Variants in STOM observed in about 807,000 individuals in gnomAD.
STOM encodes stomatin.
A neutral mutation model predicts 30.6 loss-of-function variants in STOM; 25 were observed. That is an observed-to-expected ratio of 0.82 (90% CI 0.60 to 1.14). The LOEUF (loss-of-function observed/expected upper bound fraction) is 1.14, where lower values mean the gene tolerates loss of function less well. Ranked by LOEUF, STOM falls within the 50% of genes most tolerant of loss-of-function variation. The pLI is 0.00. For missense variants in STOM, 292 were observed against 365.2 expected (o/e 0.80, Z 1.63); for synonymous variants, 118 against 130.8 (o/e 0.90, Z 0.67).
intron 1 of STOM, among the ~76,000 whole-genome samples, chr9:121,365,143 A>G (rs1021853988): frequency 6.6e-6 from 1 of 151,324 alleles, no homozygotes; most frequent in Non-Finnish European, 1.5e-5. Flanking sequence ...GGGGAAAAGA[A>G]AAAAAAAAGA....
chr9:121,348,415 C>A (rs754472111), intron 5 of STOM, among the ~76,000 whole-genome samples: 21 of 152,168 alleles, frequency 1.4e-4, no homozygotes, highest in Non-Finnish European at 2.5e-4. Flanking sequence ...ACTATTTAAC[C>A]CAGCTGTTGT....
At chr9:121,348,857 A>G (rs10985213) in intron 5 of STOM, among the ~76,000 whole-genome samples, 14,618 of 152,234 alleles carry the variant, frequency 0.096, 1,078 homozygotes, top group African/African-American at 0.2. Context: ...CCTCTGTTCT[A>G]AACAAAAAGG....
At chr9:121,361,683 C>G (rs1221004192) in intron 1 of STOM, among the ~76,000 whole-genome samples, 2 of 152,140 alleles carry the variant, frequency 1.3e-5, no homozygotes, top group Non-Finnish European at 2.9e-5. Flanking sequence ...CCAATGCACC[C>G]GGCCACTTGT....
rs1292363293 is a variant in STOM at position 121,366,313 on chromosome 9, A to G, written c.61+3814T>C. 3 of 915,930 alleles carry G rather than the reference A, an allele frequency of 3.3e-6. No individual in the cohort carries two copies. In the African/African-American group the frequency reaches 5.4e-5, roughly 16 times the overall value. The allele number at this position is 915,930 out of a possible 1,614,324, so 56.7% of individuals were successfully genotyped here. On this transcript the variant is annotated intron_variant, in intron 1 of 6. Coordinates refer to ENST00000286713, the MANE Select transcript of STOM (RefSeq NM_004099.6). Reference sequence around the variant, plus strand: ...TAGCAACAAGTGTGTGTCAATAGAAAATTATTTTAATTGAAATGATCTATT... The same window carrying G: ...TAGCAACAAGTGTGTGTCAATAGAAGATTATTTTAATTGAAATGATCTATT...
intron 1 of STOM, among the ~76,000 whole-genome samples, chr9:121,361,693 T>C (rs1245034995): frequency 2.6e-5 from 4 of 152,116 alleles, no homozygotes; most frequent in African/African-American, 9.7e-5. Flanking sequence ...CGGCCACTTG[T>C]GGGTATTTTG....
chr9:121,352,823 G>A (rs139636855), intron 4 of STOM, among the ~76,000 whole-genome samples: 4 of 152,164 alleles, frequency 2.6e-5, no homozygotes, highest in African/African-American at 7.2e-5. Flanking sequence ...GGCAGGGAAC[G>A]GTGGCTCATG....
intron 4 of STOM, among the ~76,000 whole-genome samples, chr9:121,349,631 G>T (rs1049009132): frequency 1.3e-5 from 2 of 152,116 alleles, no homozygotes; most frequent in African/African-American, 2.4e-5. Context: ...AACTCTTAGG[G>T]GCAGCTGTGG....
At chr9:121,351,196 T>C (rs2064336037) in intron 4 of STOM, among the ~76,000 whole-genome samples, 3 of 152,204 alleles carry the variant, frequency 2.0e-5, no homozygotes, top group Non-Finnish European at 2.9e-5. Flanking sequence ...CTGCCAGATG[T>C]CTGTAATGTT....
Position 121,340,731 on chromosome 9 carries a change from CAA to C in STOM, c.*469_*470del. 1 of 986,288 alleles carries C rather than the reference CAA, an allele frequency of 1.0e-6. No homozygotes were observed. The highest frequency in any genetic ancestry group is 1.2e-6 in the Non-Finnish European group (1 of 831,992). The allele number at this position is 986,288 out of a possible 1,614,324, so 61.1% of individuals were successfully genotyped here. A position where few individuals can be genotyped will look rare whatever the true frequency, so the allele number is the denominator to read the frequency against. ...TGCTATTGCACTCCAGCCTGGGCAA[CAA>C]GAGTGAAACTCCATCTCAGAAAAAA... is the stretch of plus-strand genomic sequence containing the variant. On this transcript the variant is annotated 3_prime_UTR_variant, in exon 7 of 7. Transcript: ENST00000286713.
chr9:121,341,294 T>C lies in STOM; in HGVS notation c.775A>G (p.Ile259Val), dbSNP rs769515655. 6.2e-7 allele frequency: 1 copy of C among 1,614,110 alleles called. No homozygotes were observed. The highest frequency in any genetic ancestry group is 8.5e-7 in the Non-Finnish European group (1 of 1,180,022). The change falls in exon 7 of 7, where the codon ATT becomes GTT. Residue 259 changes from isoleucine to valine, a missense_variant. Physicochemically the swap from Ile to Val is conservative, Grantham distance 29. Transcript: ENST00000286713. Reference protein sequence around the residue: ...QLRYLQTLTTIAAEKNSTIVF... With the variant: ...QLRYLQTLTTVAAEKNSTIVF... ...ATTGTTGAGTTTTTCTCAGCAGCAATGGTGGTCAGTGTCTGCAGGTATCGG... is the reference window on the plus strand; with the variant it reads ...ATTGTTGAGTTTTTCTCAGCAGCAACGGTGGTCAGTGTCTGCAGGTATCGG...
In STOM at chr9:121,339,430, C is replaced by T; in HGVS notation, c.*1772G>A. 1 of 792,292 alleles carries T rather than the reference C, an allele frequency of 1.3e-6. No individual in the cohort carries two copies. The highest frequency in any genetic ancestry group is 1.7e-6 in the Non-Finnish European group (1 of 592,266). 49.1% of individuals were successfully genotyped at this position (792,292 alleles called of 1,614,324 possible). A position where few individuals can be genotyped will look rare whatever the true frequency, so the allele number is the denominator to read the frequency against. ...CAACTTGAGTTTAAGTTGCACTGCT[C>T]CATACCTCTAATAAACTCAGCTAGG... On this transcript the variant is annotated 3_prime_UTR_variant, in exon 7 of 7. Coordinates refer to ENST00000286713, the MANE Select transcript of STOM (RefSeq NM_004099.6).
At chr9:121,356,344 A>G (rs1277566588) in intron 1 of STOM, among the ~76,000 whole-genome samples, 188 bp from the exon 2 acceptor site, 2 of 152,226 alleles carry the variant, frequency 1.3e-5, no homozygotes, top group African/African-American at 4.8e-5. Context: ...ATGTGATGTC[A>G]TAACACAAGT....
At chr9:121,369,547 C>G (rs1004010441) in intron 1 of STOM, among the ~76,000 whole-genome samples, 1 of 151,860 alleles carries the variant, frequency 6.6e-6, no homozygotes, top group African/African-American at 2.4e-5. Flanking sequence ...TTCTCCAAAA[C>G]GCAGAGGAAA....
intron 6 of STOM, 96 bp downstream of exon 6, chr9:121,347,919 T>G: frequency 7.0e-7 from 1 of 1,424,636 alleles, no homozygotes; most frequent in South Asian, 1.5e-5. Context: ...TTCAAGATTA[T>G]TTCAAGTTTT....
chr9:121,345,684 T>G (rs1484676008), intron 6 of STOM, among the ~76,000 whole-genome samples: 1 of 152,160 alleles, frequency 6.6e-6, no homozygotes, highest in Admixed American at 6.5e-5. Context: ...CCCGTCCAAG[T>G]GGGAGCATGG....
At chr9:121,353,601 C>A (rs187878560) in intron 3 of STOM, among the ~76,000 whole-genome samples, 1 of 152,134 alleles carries the variant, frequency 6.6e-6, no homozygotes, top group Non-Finnish European at 1.5e-5. Context: ...TTTGTAGTTT[C>A]TCTCCTATAA....
chr9:121,346,697 G>A lies in STOM; in HGVS notation c.660+1318C>T, dbSNP rs559889529. ...TTGAAAGAAAGCACTAGAGGGTTCT[G>A]TAGTACTACCAGGTTATCATCACAA... On this transcript the variant is annotated intron_variant, in intron 6 of 6. Coordinates refer to ENST00000286713, the MANE Select transcript of STOM (RefSeq NM_004099.6). Among the ~76,000 whole-genome samples, 3 of 152,318 alleles carry A rather than the reference G, an allele frequency of 2.0e-5. No homozygotes were observed. In the East Asian group the frequency reaches 5.8e-4, roughly 29 times the overall value.
At position 121,340,160 on chromosome 9, in the gene STOM, T is replaced by C; in HGVS notation, c.*1042A>G. ...AGGCAACAGTGAGAAAAAAGCACTT[T>C]TGTGACAAATATTTAGCTGGTTTGA... On this transcript the variant is annotated 3_prime_UTR_variant, in exon 7 of 7. Transcript: ENST00000286713. 1 of 985,426 alleles carries C rather than the reference T, an allele frequency of 1.0e-6. No homozygotes were observed. Among genetic ancestry groups the C allele is most frequent in the South Asian group, 4.7e-5 (1 of 21,288 alleles). 61.0% of individuals were successfully genotyped at this position (985,426 alleles called of 1,614,324 possible).
At chr9:121,355,374 C>T (rs2064378357) in intron 2 of STOM, among the ~76,000 whole-genome samples, 1 of 143,066 alleles carries the variant, frequency 7.0e-6, no homozygotes, top group Non-Finnish European at 1.5e-5. Flanking sequence ...GGCGACAGAG[C>T]AAGGCTCTGG....
Sources: gnomAD v4.1 joint callset for allele counts (sites outside exome capture counted in the v4.1 genomes callset) on GRCh38, gnomAD v4.1.1 for gene constraint, MANE v1.5 for transcripts, NCBI Gene and HGNC (gene_info 2026-07-23, HGNC 2026-07-21) for gene names.